Variants in CELSR2 observed in about 807,000 individuals in gnomAD.
The protein encoded by CELSR2 is cadherin EGF LAG seven-pass G-type receptor 2, also known as EGF-like protein 2.
Under a neutral mutation model 251.6 loss-of-function variants are expected in CELSR2, and 81 were observed. The observed-to-expected ratio is 0.32, with a 90% CI of 0.27 to 0.39. CELSR2 has a LOEUF of 0.39. CELSR2 is among the 10% of genes least tolerant of loss of function. CELSR2 has a pLI of 1.00. For synonymous variants in CELSR2, 1,721 were observed against 1,670.5 expected, an observed-to-expected ratio of 1.03 and a Z score of -0.74; for missense variants, 3,365 against 3,947.7, an observed-to-expected ratio of 0.85 and a Z score of 3.96.
At position 109,263,730 on chromosome 1, in the gene CELSR2, G is replaced by A; in HGVS notation, c.4954G>A (p.Val1652Ile). Residue 1652 changes from valine to isoleucine, a missense_variant, in exon 9 of 34, where the codon GTC (valine) becomes ATC (isoleucine). By Grantham distance (29) the Val-to-Ile change is conservative (BLOSUM62 3). Around this residue, in one of 5 missense-constraint regions of CELSR2, gnomAD observed 2,093 missense variants for 2,382.8 expected, o/e 0.88. Coordinates refer to ENST00000271332, the MANE Select transcript of CELSR2 (RefSeq NM_001408.3). The part of the protein sequence containing the change: ...LMFRTRQADG[V>I]LLQAITRGRS... ...GTTCCGCACGCGCCAGGCCGACGGT[G>A]TCCTGCTGCAGGCCATCACCAGGGG... 1.2e-6 allele frequency: 2 copies of A among 1,613,830 alleles called. No individual in the cohort carries two copies. Among genetic ancestry groups the A allele is most frequent in the Non-Finnish European group, 1.7e-6 (2 of 1,179,980 alleles).
chr1:109,253,297 T>G lies in CELSR2; in HGVS notation c.3218T>G (p.Val1073Gly). 6.2e-7 allele frequency: 1 copy of G among 1,613,470 alleles called. No homozygotes were observed. Among genetic ancestry groups the G allele is most frequent in the Non-Finnish European group, 8.5e-7 (1 of 1,180,036 alleles). ...SFERGNELSLVLLNASTGELK... is the reference protein window; with the variant it reads ...SFERGNELSLGLLNASTGELK... ...GAGCGGGGAAATGAACTCAGCCTGG[T>G]CCTGCTCAATGCCTCCACGGGTGAG... Residue 1073 changes from valine (V) to glycine (G), a missense_variant, in exon 1 of 34, where the codon GTC becomes GGC. Coordinates refer to ENST00000271332, the MANE Select transcript of CELSR2 (RefSeq NM_001408.3).
chr1:109,273,865 C>T (rs559801246), intron 33 of CELSR2, 157 bp from the exon 34 acceptor site: 3 of 1,163,724 alleles, frequency 2.6e-6, no homozygotes, highest in East Asian at 2.3e-5. Context: ...CTCCTAGGCT[C>T]TACGCGGCGC....
rs757072896 is a variant in CELSR2, at chr1:109,264,917, G to A, written c.5514G>A (p.Glu1838=). 10 of 1,614,042 alleles carry A rather than the reference G, an allele frequency of 6.2e-6. No homozygotes were observed. In the African/African-American group the frequency reaches 8.0e-5, roughly 13 times the overall value. The change falls in exon 12 of 34, where the codon GAG becomes GAA. Residue 1838 remains glutamate (E), a synonymous_variant. Coordinates refer to ENST00000271332, the MANE Select transcript of CELSR2 (RefSeq NM_001408.3). The part of the protein sequence containing the change: ...CTNVCDLNPC[E]HQSVCTRKPS... ...ATGTGTGTGACCTGAACCCGTGTGA[G>A]CACCAGTCTGTGTGTACCCGCAAGC...
At chr1:109,266,419 T>C in intron 15 of CELSR2, 1 of 585,544 alleles carries the variant, frequency 1.7e-6, no homozygotes, top group Admixed American at 3.4e-5. Flanking sequence ...TGTTTTGGTT[T>C]GGTTTTTTTT....
At chr1:109,272,127 A>T (rs1450872807) in intron 28 of CELSR2, 151 bp from the exon 29 acceptor site, 4 of 1,073,056 alleles carry the variant, frequency 3.7e-6, no homozygotes, top group Non-Finnish European at 5.3e-6. Flanking sequence ...CCAGGCCTCA[A>T]TATGGGGACA....
Position 109,268,689 on chromosome 1 carries a change from G to T in CELSR2, c.6427G>T (p.Ala2143Ser). ...GTAWLLQHYE[A>S]YASALAQNMR... ...CGCCTGGCTGCTCCAGCACTATGAG[G>T]CCTACGCCAGTGCCCTGGCCCAGAA... The change falls in exon 18 of 34, where the codon GCC becomes TCC. Residue 2143 changes from alanine to serine, a missense_variant. Physicochemically the swap from Ala to Ser is moderately conservative, Grantham distance 99. Around this residue, in one of 5 missense-constraint regions of CELSR2, gnomAD observed 2,093 missense variants for 2,382.8 expected, o/e 0.88. Coordinates refer to ENST00000271332, the MANE Select transcript of CELSR2 (RefSeq NM_001408.3). The T allele has an allele frequency of 6.2e-7, 1 of 1,614,010 alleles. No individual in the cohort carries two copies. Among genetic ancestry groups the T allele is most frequent in the South Asian group, 1.1e-5 (1 of 91,068 alleles).
At chr1:109,255,269 C>T (rs1272912333) in intron 1 of CELSR2, among the ~76,000 whole-genome samples, 1 of 152,214 alleles carries the variant, frequency 6.6e-6, no homozygotes, top group Non-Finnish European at 1.5e-5. Context: ...CCCGCCCCTG[C>T]CCATGCGGAG....
chr1:109,252,150 A>G lies in CELSR2; in HGVS notation c.2071A>G (p.Thr691Ala). The part of the protein sequence containing the change: ...YVLAVTASDG[T>A]RQDTAQIVVN... ...GTTGGCTGTTACCGCCTCCGATGGCACTCGGCAGGACACGGCACAGATTGT... is the reference window on the plus strand; with the variant it reads ...GTTGGCTGTTACCGCCTCCGATGGCGCTCGGCAGGACACGGCACAGATTGT... Residue 691 changes from threonine to alanine, a missense_variant, in exon 1 of 34, where the codon ACT becomes GCT. By Grantham distance (58) the Thr-to-Ala change is moderately conservative. Around this residue, in one of 5 missense-constraint regions of CELSR2, gnomAD observed 505 missense variants for 660.0 expected, o/e 0.77. Transcript: ENST00000271332. The surrounding 1 kb of genome is among the most constrained non-coding windows in gnomAD (Gnocchi z 4.8). The G allele has an allele frequency of 6.2e-7, 1 of 1,613,948 alleles. No homozygotes were observed. The highest frequency in any genetic ancestry group is 8.5e-7 in the Non-Finnish European group (1 of 1,180,012).
chr1:109,273,875 C>A, intron 33 of CELSR2, 147 bp from the exon 34 acceptor site: 1 of 1,225,836 alleles, frequency 8.2e-7, no homozygotes, highest in Non-Finnish European at 1.2e-6. Context: ...CTACGCGGCG[C>A]AGCCCAGCCT....
chr1:109,264,652 G>A lies in CELSR2; in HGVS notation c.5464+24G>A, dbSNP rs200267968. 4.4e-4 allele frequency: 702 copies of A among 1,602,884 alleles called. 2 individuals carry two copies. In the African/African-American group the frequency reaches 5.8e-3, roughly 13 times the overall value. On this transcript the variant is annotated intron_variant, in intron 11 of 33. Transcript: ENST00000271332. ...AGGTATGCTAAGGATCCAGGGCAAC[G>A]GGCAGGTTATCAGGTGCCTGGGGCC... is the stretch of plus-strand genomic sequence containing the variant.
intron 17 of CELSR2, among the ~76,000 whole-genome samples, chr1:109,268,297 G>T (rs1443554368): frequency 6.6e-6 from 1 of 152,244 alleles, no homozygotes; most frequent in Non-Finnish European, 1.5e-5. Context: ...CCTGCCTGTG[G>T]TACCATGGGC....
At chr1:109,266,362 C>G in intron 15 of CELSR2, 156 bp downstream of exon 15, 1 of 872,906 alleles carries the variant, frequency 1.1e-6, no homozygotes. Context: ...CACATTCCCC[C>G]TTCCCCATGT....
Position 109,252,715 on chromosome 1 carries a change from T to A in CELSR2, c.2636T>A (p.Leu879Gln). ...TSGIVRTLRR[L>Q]DRENVAQYVL... ...GGCATCGTGCGAACGCTACGGAGGC[T>A]GGATCGAGAGAACGTGGCCCAGTAT... The change falls in exon 1 of 34, where the codon CTG becomes CAG. Residue 879 changes from leucine to glutamine, a missense_variant. Around this residue, in one of 5 missense-constraint regions of CELSR2, gnomAD observed 505 missense variants for 660.0 expected, o/e 0.77. Transcript: ENST00000271332. This position sits in a 1 kb window ranked among gnomAD's most constrained non-coding sequence, Gnocchi z 4.8. 1 of 1,614,058 alleles carries A rather than the reference T, an allele frequency of 6.2e-7. No homozygotes were observed. The highest frequency in any genetic ancestry group is 1.3e-5 in the African/African-American group (1 of 75,056).
At position 109,252,318 on chromosome 1, in the gene CELSR2, A is replaced by C; in HGVS notation, c.2239A>C (p.Ile747Leu). The C allele has an allele frequency of 6.2e-7, 1 of 1,613,192 alleles. No homozygotes were observed. The highest frequency in any genetic ancestry group is 2.2e-5 in the East Asian group (1 of 44,884). ...TGAGGACACAGGTGAGAATGCCCGC[A>C]TCACCTACTTCATGGAGGACAGCAT... ...TDEDTGENARITYFMEDSIPQ... is the reference protein window; with the variant it reads ...TDEDTGENARLTYFMEDSIPQ... The change falls in exon 1 of 34, where the codon ATC becomes CTC. Residue 747 changes from isoleucine to leucine, a missense_variant. Ile to Leu is a conservative substitution (Grantham distance 5). This residue lies in a region of CELSR2 where 505 missense variants were observed against 660.0 expected (regional missense o/e 0.77). Transcript: ENST00000271332. The surrounding 1 kb of genome is among the most constrained non-coding windows in gnomAD (Gnocchi z 4.8).
At chr1:109,256,570 A>G (rs568030011) in intron 1 of CELSR2, among the ~76,000 whole-genome samples, 6 of 152,168 alleles carry the variant, frequency 3.9e-5, no homozygotes, top group Non-Finnish European at 7.3e-5. Flanking sequence ...CCCCAGAAAC[A>G]TGGGCTCCTG....
At chr1:109,262,142 C>G in intron 5 of CELSR2, 145 bp from the exon 6 acceptor site, 1 of 1,225,724 alleles carries the variant, frequency 8.2e-7, no homozygotes, top group Non-Finnish European at 1.1e-6. Flanking sequence ...ATGCATAAAC[C>G]ACGTGAGCAC....
chr1:109,250,183 G>C lies in CELSR2; in HGVS notation c.104G>C (p.Gly35Ala). ...CCGCCACTATTGGGAGACCAAGTGG[G>C]GCCCTGTCGTTCCTTGGGGTCCAGG... Reference protein sequence around the residue: ...LPPPLLGDQVGPCRSLGSRGR... With the variant: ...LPPPLLGDQVAPCRSLGSRGR... The change falls in exon 1 of 34, where the codon GGG becomes GCG. Residue 35 changes from glycine (G) to alanine (A), a missense_variant. Physicochemically the swap from Gly to Ala is moderately conservative, Grantham distance 60. This residue lies in a region of CELSR2 where 704 missense variants were observed against 784.1 expected (regional missense o/e 0.90). Transcript: ENST00000271332. This position sits in a 1 kb window ranked among gnomAD's most constrained non-coding sequence, Gnocchi z 4.4. The C allele has an allele frequency of 6.2e-7, 1 of 1,600,314 alleles. No individual in the cohort carries two copies. Among genetic ancestry groups the C allele is most frequent in the Non-Finnish European group, 8.5e-7 (1 of 1,175,320 alleles).
chr1:109,264,304 C>T lies in CELSR2; in HGVS notation c.5228C>T (p.Thr1743Ile), dbSNP rs1446740871. 3.1e-6 allele frequency: 5 copies of T among 1,613,622 alleles called. No individual in the cohort carries two copies. Among genetic ancestry groups the T allele is most frequent in the African/African-American group, 2.7e-5 (2 of 74,930 alleles). ...RLHGLHLSNI[T>I]VGGIPGPAGG... ...CATGGTCTGCACCTGAGCAACATAACAGTGGGCGGAATACCTGGGCCAGCC... is the reference window on the plus strand; with the variant it reads ...CATGGTCTGCACCTGAGCAACATAATAGTGGGCGGAATACCTGGGCCAGCC... Residue 1743 changes from threonine (T) to isoleucine (I), a missense_variant, in exon 10 of 34, where the codon ACA (threonine) becomes ATA (isoleucine). Transcript: ENST00000271332.
chr1:109,252,513 G>T lies in CELSR2; in HGVS notation c.2434G>T (p.Ala812Ser). 6.2e-7 allele frequency: 1 copy of T among 1,613,894 alleles called. No homozygotes were observed. The highest frequency in any genetic ancestry group is 1.1e-5 in the South Asian group (1 of 91,076). Residue 812 changes from alanine to serine, a missense_variant, in exon 1 of 34, where the codon GCC (alanine) becomes TCC (serine). Physicochemically the swap from Ala to Ser is moderately conservative, Grantham distance 99 (BLOSUM62 1). Coordinates refer to ENST00000271332, the MANE Select transcript of CELSR2 (RefSeq NM_001408.3). This position sits in a 1 kb window ranked among gnomAD's most constrained non-coding sequence, Gnocchi z 4.8. Reference sequence around the variant, plus strand: ...CCTGGTGAACGACGTGAATGACAATGCCCCTCAGTTCCTGCGAGACTCCTA... The same window carrying T: ...CCTGGTGAACGACGTGAATGACAATTCCCCTCAGTTCCTGCGAGACTCCTA... ...EILVNDVNDN[A>S]PQFLRDSYQG...
Sources: allele counts gnomAD v4.1 joint callset (sites outside exome capture counted in the v4.1 genomes callset), GRCh38; gene constraint gnomAD v4.1.1; regional missense constraint gnomAD v4.1.1; non-coding constraint Gnocchi (gnomAD v3.1); transcripts MANE v1.5; gene names NCBI Gene and HGNC (gene_info 2026-07-23, HGNC 2026-07-21).